Variants in DLC1 observed in about 807,000 individuals in gnomAD.
DLC1 encodes the protein DLC1 Rho GTPase activating protein.
A neutral mutation model predicts 140.3 loss-of-function variants in DLC1; 54 were observed. The ratio of observed to expected loss-of-function variants is 0.38; its 90% CI spans 0.31 to 0.48. The LOEUF (loss-of-function observed/expected upper bound fraction) is 0.48, where lower values mean the gene tolerates loss of function less well. Ranked by LOEUF, DLC1 falls within the 20% of genes least tolerant of loss-of-function variation. The pLI, the probability that DLC1 is intolerant of heterozygous loss-of-function variation, is 0.96. For missense variants in DLC1, 2,536 were observed against 1,907.0 expected (o/e 1.33, Z -6.14); for synonymous variants, 986 against 728.1 (o/e 1.35, Z -5.70).
intron 1 of DLC1, among the ~76,000 whole-genome samples, chr8:13,579,870 G>GT (rs1554547234): frequency 6.6e-6 from 1 of 151,696 alleles, no homozygotes; most frequent in Non-Finnish European, 1.5e-5. Flanking sequence ...ATTACATGTT[G>GT]TATCAGTGAT....
rs564589438 is a variant in DLC1 at position 13,580,213 on chromosome 8, C to A, written c.-126+24324G>T. ...TCTCGGCTCACTGCAGCCTCTGCCT[C>A]CCTGGTTCACGCCATTCTCCTGCCT... On this transcript the variant is annotated intron_variant, in intron 1 of 1. Coordinates refer to the DLC1 transcript ENST00000631382. Among the ~76,000 whole-genome samples the A allele has an allele frequency of 2.0e-5, 3 of 152,142 alleles. No homozygotes were observed. The East Asian group carries it at 5.8e-4, about 29-fold the overall frequency.
intron 5 of DLC1, among the ~76,000 whole-genome samples, chr8:13,217,473 A>T (rs1302527073): frequency 1.3e-5 from 2 of 152,128 alleles, no homozygotes; most frequent in Non-Finnish European, 2.9e-5. Context: ...ATGGTTACTA[A>T]ATGCATTGGC....
chr8:13,250,041 C>G (rs528478214), intron 5 of DLC1, among the ~76,000 whole-genome samples: 3 of 152,298 alleles, frequency 2.0e-5, no homozygotes, highest in African/African-American at 7.2e-5. Context: ...TTGCTCTATT[C>G]CAGTACTGGA....
At chr8:13,167,883 T>A (rs1825210458) in intron 5 of DLC1, among the ~76,000 whole-genome samples, 1 of 152,200 alleles carries the variant, frequency 6.6e-6, no homozygotes, top group African/African-American at 2.4e-5. Flanking sequence ...AAACTAAACT[T>A]ATTTTTAGAC....
In DLC1 at chr8:13,150,104, T is replaced by C. The variant is rs1160039213; in HGVS notation, c.1349-34447A>G. Among the ~76,000 whole-genome samples the C allele has an allele frequency of 3.9e-5, 6 of 152,122 alleles. 1 individual carries two copies. The highest frequency in any genetic ancestry group is 2.6e-4 in the Admixed American group (4 of 15,296). On this transcript the variant is annotated intron_variant, in intron 5 of 17. Transcript: ENST00000276297. ...GTGGTCTGGGATGCATATATGTGTG[T>C]ATGTGCGGGTGAATATATGTTTCTC...
intron 4 of DLC1, among the ~76,000 whole-genome samples, chr8:13,391,567 C>T (rs1013714345): frequency 2.6e-5 from 4 of 152,034 alleles, no homozygotes; most frequent in Non-Finnish European, 5.9e-5. Context: ...ACTGTGAAAA[C>T]TGATGAGTTT....
At chr8:13,297,932 C>G (rs1042694658) in intron 5 of DLC1, among the ~76,000 whole-genome samples, 3 of 151,930 alleles carry the variant, frequency 2.0e-5, no homozygotes, top group African/African-American at 4.8e-5. Context: ...GAAAAGCAGC[C>G]AAGAAAATTA....
intron 1 of DLC1, among the ~76,000 whole-genome samples, chr8:13,509,979 C>G (rs1405959109): frequency 1.3e-5 from 2 of 152,032 alleles, no homozygotes; most frequent in Admixed American, 1.3e-4. Flanking sequence ...CAAGCACTCA[C>G]TAGATGTAAA....
chr8:13,141,256 CAAAAAAA>C (rs34321250), intron 5 of DLC1, among the ~76,000 whole-genome samples: 25 of 63,764 alleles, frequency 3.9e-4, no homozygotes, highest in African/African-American at 1.6e-3. Context: ...GAGTCTGTCT[CAAAAAAA>C]AAAAAAAAAA....
chr8:13,536,765 C>G (rs116711656), intron 1 of DLC1, among the ~76,000 whole-genome samples: 1 of 152,070 alleles, frequency 6.6e-6, no homozygotes, highest in African/African-American at 2.4e-5. Flanking sequence ...AGAGATATTG[C>G]GTATCCACAT....
At chr8:13,305,772 A>C (rs1181259981) in intron 4 of DLC1, among the ~76,000 whole-genome samples, 1 of 152,184 alleles carries the variant, frequency 6.6e-6, no homozygotes, top group East Asian at 1.9e-4. Flanking sequence ...AGGGAGATCA[A>C]AGCTGCAGTG....
At chr8:13,268,621 G>A (rs1830787709) in intron 5 of DLC1, among the ~76,000 whole-genome samples, 1 of 152,154 alleles carries the variant, frequency 6.6e-6, no homozygotes. Context: ...GGCTTCAAGT[G>A]ATCCTTCCAC....
At position 13,193,748 on chromosome 8, in the gene DLC1, C is replaced by A. The variant is rs143758992; in HGVS notation, c.1349-78091G>T. Among the ~76,000 whole-genome samples the A allele has an allele frequency of 2.5e-4, 38 of 152,154 alleles. No homozygotes were observed. The East Asian group carries it at 6.0e-3, about 24-fold the overall frequency. On this transcript the variant is annotated intron_variant, in intron 5 of 17. Coordinates refer to ENST00000276297, the MANE Select transcript of DLC1 (RefSeq NM_182643.3). ...CTTTGAGTGCTTAATTTTTGGTATC[C>A]CTTCTGAAATTGCTGAAAAGAATGC...
intron 4 of DLC1, among the ~76,000 whole-genome samples, chr8:13,379,517 G>C (rs149760067): frequency 7.9e-5 from 12 of 152,270 alleles, no homozygotes; most frequent in African/African-American, 2.4e-4. Context: ...CGAATATCCC[G>C]TGTAATTTAT....
chr8:13,501,537 T>A (rs923846623), intron 1 of DLC1, among the ~76,000 whole-genome samples: 1 of 152,228 alleles, frequency 6.6e-6, no homozygotes, highest in African/African-American at 2.4e-5. Flanking sequence ...ATACTGATTT[T>A]CGATCTCTTT....
At chr8:13,427,694 C>A (rs1585090222) in intron 2 of DLC1, among the ~76,000 whole-genome samples, 1 of 152,094 alleles carries the variant, frequency 6.6e-6, no homozygotes, top group Non-Finnish European at 1.5e-5. Context: ...GTACCTTGGG[C>A]CCCTTGTTCT....
intron 5 of DLC1, among the ~76,000 whole-genome samples, chr8:13,298,536 CA>C (rs1466544851): frequency 6.6e-6 from 1 of 152,140 alleles, no homozygotes; most frequent in Non-Finnish European, 1.5e-5. Flanking sequence ...GCAGGACACA[CA>C]AAGACAATAT....
At chr8:13,276,112 G>T in intron 5 of DLC1, 2 of 1,183,108 alleles carry the variant, frequency 1.7e-6, no homozygotes, top group South Asian at 1.6e-5. Flanking sequence ...CTAGAGAAAG[G>T]GAGACCGAAC....
chr8:13,493,768 T>C (rs1046656073), intron 2 of DLC1, among the ~76,000 whole-genome samples: 1 of 152,208 alleles, frequency 6.6e-6, no homozygotes, highest in African/African-American at 2.4e-5. Context: ...GTTCATTCCA[T>C]TTTCTGCACA....
Sources: allele counts gnomAD v4.1 joint callset (sites outside exome capture counted in the v4.1 genomes callset), GRCh38; gene constraint gnomAD v4.1.1; transcripts MANE v1.5; gene names NCBI Gene and HGNC (gene_info 2026-07-23, HGNC 2026-07-21).